Variants in ZAN observed in about 807,000 individuals in gnomAD.
The protein encoded by ZAN is zonadhesin.
Under a neutral mutation model 286.2 loss-of-function variants are expected in ZAN, and 260 were observed. The observed-to-expected ratio is 0.91, with a 90% CI of 0.82 to 1.01. The LOEUF (loss-of-function observed/expected upper bound fraction) is 1.01, where lower values mean the gene tolerates loss of function less well. Among genes scored for constraint, ZAN ranks in the 50% least tolerant of loss-of-function variants. ZAN has a pLI of 0.00. For synonymous variants in ZAN, 1,368 were observed against 1,417.5 expected, an observed-to-expected ratio of 0.97 and a Z score of 0.79; for missense variants, 3,410 against 3,639.2, an observed-to-expected ratio of 0.94 and a Z score of 1.62.
chr7:100,751,566 C>T (rs1313493141), intron 13 of ZAN, 146 bp from the exon 14 acceptor site: 5 of 866,560 alleles, frequency 5.8e-6, no homozygotes, highest in East Asian at 5.4e-5. Flanking sequence ...TATTAGTGTT[C>T]GTTGAGTGGA....
At chr7:100,767,738 A>G (rs745360832) in intron 25 of ZAN, 93 bp from the exon 26 acceptor site, 10 of 1,429,608 alleles carry the variant, frequency 7.0e-6, no homozygotes, top group African/African-American at 1.4e-5. Context: ...TCGGCCTCCC[A>G]AAGTGCTGGG....
chr7:100,764,507 AAAAT>A (rs199749280), intron 22 of ZAN, among the ~76,000 whole-genome samples: 32 of 148,820 alleles, frequency 2.2e-4, no homozygotes, highest in South Asian at 1.1e-3. Flanking sequence ...AAAATAAAAT[AAAAT>A]AAATAAATAA....
intron 28 of ZAN, among the ~76,000 whole-genome samples, chr7:100,771,333 AG>A (rs2116102424): frequency 6.6e-6 from 1 of 152,070 alleles, no homozygotes; most frequent in African/African-American, 2.4e-5. Flanking sequence ...CAGCCTGCTG[AG>A]TAGCTGGGAC....
Position 100,779,676 on chromosome 7 carries a change from C to A in ZAN, c.6548C>A (p.Ala2183Asp). ...GGTCTCTACCAGGCCCTCTGCCAGG[C>A]TCTGCAAGCCTTCGGGGCCACCTGC... ...FGGLYQALCQALQAFGATCQS... is the reference protein window; with the variant it reads ...FGGLYQALCQDLQAFGATCQS... The change falls in exon 35 of 48, where the codon GCT becomes GAT. Residue 2183 changes from alanine (A) to aspartate (D), a missense_variant. Ala to Asp is a moderately radical substitution (Grantham distance 126, BLOSUM62 -2). Transcript: ENST00000613979. The A allele has an allele frequency of 6.4e-7, 1 of 1,567,816 alleles. No individual in the cohort carries two copies. Among genetic ancestry groups the A allele is most frequent in the Non-Finnish European group, 8.6e-7 (1 of 1,156,656 alleles).
At position 100,736,554 on chromosome 7, in the gene ZAN, G is replaced by T; in HGVS notation, c.178G>T (p.Asp60Tyr). 6.6e-7 allele frequency: 1 copy of T among 1,523,616 alleles called. No homozygotes were observed. The highest frequency in any genetic ancestry group is 1.1e-5 in the South Asian group (1 of 88,842). 94.4% of individuals were successfully genotyped at this position (1,523,616 alleles called of 1,614,324 possible). A position where few individuals can be genotyped will look rare whatever the true frequency, so the allele number is the denominator to read the frequency against. ...LCDWSQVSAD[D>Y]EDWVRASGPS... ...TGACTGGTCCCAAGTGTCCGCAGAC[G>T]ATGAAGACTGGGTTCGAGCCAGTGG... Residue 60 changes from aspartate to tyrosine, a missense_variant, in exon 4 of 48, where the codon GAT becomes TAT. Around this residue, in one of 7 missense-constraint regions of ZAN, gnomAD observed 872 missense variants for 938.9 expected, o/e 0.93. Transcript: ENST00000613979.
intron 35 of ZAN, among the ~76,000 whole-genome samples, chr7:100,781,923 G>A (rs1168068540): frequency 2.0e-5 from 3 of 152,150 alleles, no homozygotes; most frequent in Non-Finnish European, 2.9e-5. Context: ...TTACAGGCAT[G>A]AGCCACTGCA....
Position 100,752,197 on chromosome 7 carries a change from A to G in ZAN, c.2092A>G (p.Ile698Val). The G allele has an allele frequency of 1.9e-6, 3 of 1,608,752 alleles. No individual in the cohort carries two copies. The highest frequency in any genetic ancestry group is 1.7e-4 in the Middle Eastern group (1 of 6,036). ...CAGCATCCCCACGGAAAAACCCACC[A>G]TCTCCATGGAAGAGACTATCATCTC... ...KPSIPTEKPT[I>V]SMEETIISTE... The change falls in exon 14 of 48, where the codon ATC becomes GTC. Residue 698 changes from isoleucine to valine, a missense_variant. By Grantham distance (29) the Ile-to-Val change is conservative (BLOSUM62 3). Transcript: ENST00000613979.
In ZAN at chr7:100,736,417, T is replaced by A; in HGVS notation, c.107-66T>A. 1.4e-6 allele frequency: 2 copies of A among 1,457,392 alleles called. 1 individual carries two copies. Among genetic ancestry groups the A allele is most frequent in the Non-Finnish European group, 1.9e-6 (2 of 1,047,386 alleles). 90.3% of individuals were successfully genotyped at this position (1,457,392 alleles called of 1,614,324 possible). On this transcript the variant is annotated intron_variant, in intron 3 of 47. Transcript: ENST00000613979. ...GTGTAGCAATCTTGCTACTTCCCTC[T>A]CCCTGTGTGGCTCTGGGCCCTGCCC... is the stretch of plus-strand genomic sequence containing the variant.
In ZAN at chr7:100,748,429, C is replaced by T. The variant is rs1460795010; in HGVS notation, c.1208C>T (p.Pro403Leu). Residue 403 changes from proline (P) to leucine (L), a missense_variant, in exon 11 of 48, where the codon CCC becomes CTC. Physicochemically the swap from Pro to Leu is moderately conservative, Grantham distance 98 (BLOSUM62 -3). This residue lies in a region of ZAN where 872 missense variants were observed against 938.9 expected (regional missense o/e 0.93). Transcript: ENST00000613979. ...GHWALGHKNG[P>L]VHGMGPAGGF... is the part of the protein sequence containing the mutation. ...TGGGCCCTCGGACATAAAAATGGACCCGTCCATGGCATGGGCCCTGCGGGA... is the reference window on the plus strand; with the variant it reads ...TGGGCCCTCGGACATAAAAATGGACTCGTCCATGGCATGGGCCCTGCGGGA... The T allele has an allele frequency of 1.2e-6, 2 of 1,613,782 alleles. No individual in the cohort carries two copies. Among genetic ancestry groups the T allele is most frequent in the Middle Eastern group, 3.3e-4 (2 of 6,036 alleles).
intron 42 of ZAN, among the ~76,000 whole-genome samples, chr7:100,792,705 C>T (rs1474380207): frequency 1.3e-5 from 2 of 152,128 alleles, no homozygotes; most frequent in African/African-American, 2.4e-5. Context: ...AACCGGCAGC[C>T]TGGCTCCTTC....
At chr7:100,755,633 A>G (rs1275993852) in intron 15 of ZAN, among the ~76,000 whole-genome samples, 1 of 152,014 alleles carries the variant, frequency 6.6e-6, no homozygotes, top group Non-Finnish European at 1.5e-5. Context: ...GAGTAGTGGC[A>G]TCATAGTGGC....
At position 100,750,860 on chromosome 7, in the gene ZAN, C is replaced by T. The variant is rs749479209; in HGVS notation, c.1485C>T (p.Ser495=). ...GSQRPYWQNT[S]VTVPSGHQQP... ...AGCGCCCTTACTGGCAGAACACCTC[C>T]GTCACCGTCCCCTCAGGACACCAAC... Residue 495 remains serine, a synonymous_variant, in exon 12 of 48, where the codon TCC becomes TCT. Coordinates refer to ENST00000613979, the MANE Select transcript of ZAN (RefSeq NM_003386.3). 30 of 1,571,502 alleles carry T rather than the reference C, an allele frequency of 1.9e-5. No individual in the cohort carries two copies. The highest frequency in any genetic ancestry group is 1.1e-4 in the African/African-American group (8 of 74,326).
At chr7:100,795,523 T>G (rs1812306186) in intron 45 of ZAN, among the ~76,000 whole-genome samples, 187 bp downstream of exon 45, 2 of 149,402 alleles carry the variant, frequency 1.3e-5, no homozygotes, top group South Asian at 2.1e-4. Flanking sequence ...ATATATCTTG[T>G]ATATTAATTA....
Position 100,775,767 on chromosome 7 carries a change from G to A in ZAN, c.6126G>A (p.Gly2042=), listed in dbSNP as rs373778567. The A allele has an allele frequency of 9.3e-6, 15 of 1,613,716 alleles. No homozygotes were observed. The highest frequency in any genetic ancestry group is 1.0e-5 in the Non-Finnish European group (12 of 1,179,890). ...ACAGCATTGTTAACATCAAGATCGG[G>A]GTGCAAGTCAAGTTTGACGGGAATC... ...SIYSIVNIKI[G]VQVKFDGNHL... is the part of the protein sequence containing the mutation. The change falls in exon 33 of 48, where the codon GGG becomes GGA. Residue 2042 remains glycine, a synonymous_variant. Transcript: ENST00000613979.
In ZAN at chr7:100,755,228, C is replaced by T. The variant is rs147553247; in HGVS notation, c.3127C>T (p.Arg1043Cys). 589 of 1,611,278 alleles carry T rather than the reference C, an allele frequency of 3.7e-4. No homozygotes were observed. The African/African-American group carries it at 6.3e-3, about 17-fold the overall frequency. ...GACAGAGGCTGTTTTCCCCTTAGAG[C>T]GCTGCCCTCCAAATGCCCGCTACGA... The part of the protein sequence containing the change: ...TTTTSRSSTE[R>C]CPPNARYESC... The change falls in exon 15 of 48, where the codon CGC becomes TGC. Residue 1043 changes from arginine to cysteine, a missense_variant and splice_region_variant. Arg to Cys is a radical substitution (Grantham distance 180). This residue lies in a region of ZAN where 1,042 missense variants were observed against 1,058.0 expected (regional missense o/e 0.98). Coordinates refer to ENST00000613979, the MANE Select transcript of ZAN (RefSeq NM_003386.3).
rs780935333 is a variant in ZAN, at chr7:100,771,970, T to C, written c.5375T>C (p.Leu1792Pro). ...CGCTCCCTGCAGGCCTACGCGTCCC[T>C]GTGTGCCCAGGCTGGCCAGGCCCCT... is the stretch of plus-strand genomic sequence containing the variant. ...LCRSLQAYAS[L>P]CAQAGQAPAW... The change falls in exon 29 of 48, where the codon CTG becomes CCG. Residue 1792 changes from leucine to proline, a missense_variant. Around this residue, in one of 7 missense-constraint regions of ZAN, gnomAD observed 1,289 missense variants for 1,314.3 expected, o/e 0.98. Coordinates refer to ENST00000613979, the MANE Select transcript of ZAN (RefSeq NM_003386.3). The C allele has an allele frequency of 2.5e-6, 4 of 1,609,206 alleles. No homozygotes were observed. In the South Asian group the frequency reaches 3.3e-5, roughly 13 times the overall value.
Position 100,793,920 on chromosome 7 carries a change from C to A in ZAN, c.7888C>A (p.Arg2630Ser). 2 of 1,613,966 alleles carry A rather than the reference C, an allele frequency of 1.2e-6. No individual in the cohort carries two copies. The highest frequency in any genetic ancestry group is 1.1e-5 in the South Asian group (1 of 91,084). The change falls in exon 43 of 48, where the codon CGT becomes AGT. Residue 2630 changes from arginine to serine, a missense_variant. Physicochemically the swap from Arg to Ser is moderately radical, Grantham distance 110. Coordinates refer to ENST00000613979, the MANE Select transcript of ZAN (RefSeq NM_003386.3). ...ACCCCGGGGACTGCGAGGGCCCCTG[C>A]GTGGAAGGCTGCGCCAGCATCCCAG... ...GRPRGLRGPL[R>S]GRLRQHPRLC...
At chr7:100,759,867 C>A in intron 18 of ZAN, 22 bp downstream of exon 18, 1 of 1,608,856 alleles carries the variant, frequency 6.2e-7, no homozygotes, top group Non-Finnish European at 8.5e-7. Context: ...TCCACCCCCA[C>A]CATCCTTGCA....
intron 8 of ZAN, 111 bp downstream of exon 8, chr7:100,746,813 T>A: frequency 4.0e-6 from 5 of 1,263,674 alleles, no homozygotes; most frequent in Non-Finnish European, 5.5e-6. Flanking sequence ...CTGGAATATG[T>A]GCGAGACTAT....
Sources: allele counts gnomAD v4.1 joint callset (sites outside exome capture counted in the v4.1 genomes callset), GRCh38; gene constraint gnomAD v4.1.1; regional missense constraint gnomAD v4.1.1; transcripts MANE v1.5; gene names NCBI Gene and HGNC (gene_info 2026-07-23, HGNC 2026-07-21).